Variants in SELENOI observed in about 807,000 individuals in gnomAD.
The protein encoded by SELENOI is ethanolaminephosphotransferase 1.
A neutral mutation model predicts 50.7 loss-of-function variants in SELENOI; 24 were observed. The ratio of observed to expected loss-of-function variants is 0.47; its 90% CI spans 0.34 to 0.67. The LOEUF (loss-of-function observed/expected upper bound fraction) is 0.67. SELENOI is among the 30% of genes least tolerant of loss of function. The pLI is 0.01. For synonymous variants in SELENOI, 155 were observed against 170.2 expected, an observed-to-expected ratio of 0.91 and a Z score of 0.70; for missense variants, 352 against 461.4, an observed-to-expected ratio of 0.76 and a Z score of 2.17.
In SELENOI at chr2:26,364,343, G is replaced by A. The variant is rs1189289592; in HGVS notation, c.99G>A (p.Met33Ile). 6.4e-7 allele frequency: 1 copy of A among 1,560,444 alleles called. No homozygotes were observed. The highest frequency in any genetic ancestry group is 8.7e-7 in the Non-Finnish European group (1 of 1,149,498). The stretch of plus-strand genomic sequence containing the variant: ...CCAATCCACTTTCTCTGTATGTCAT[G>A]CATCCATTCTGGAACACTATAGTAA... Reference protein sequence around the residue: ...VDTNPLSLYVMHPFWNTIVKV... With the variant: ...VDTNPLSLYVIHPFWNTIVKV... The change falls in exon 2 of 10, where the codon ATG becomes ATA. Residue 33 changes from methionine (M) to isoleucine (I), a missense_variant. Coordinates refer to ENST00000260585, the MANE Select transcript of SELENOI (RefSeq NM_033505.4).
intron 1 of SELENOI, among the ~76,000 whole-genome samples, chr2:26,358,615 A>G (rs1164190910): frequency 6.6e-6 from 1 of 152,250 alleles, no homozygotes; most frequent in East Asian, 1.9e-4. Context: ...TAGCATGACC[A>G]GATTTATATG....
Position 26,385,038 on chromosome 2 carries a change from A to G in SELENOI, c.811A>G (p.Ile271Val). ...VPLFSPCLLF[I>V]LSTAWILWSP... is the part of the protein sequence containing the mutation. ...CTTATTTTCTCCATGCTTGCTGTTCATTTTGTCTACAGCGTGGATCCTTTG... is the reference window on the plus strand; with the variant it reads ...CTTATTTTCTCCATGCTTGCTGTTCGTTTTGTCTACAGCGTGGATCCTTTG... The change falls in exon 8 of 10, where the codon ATT becomes GTT. Residue 271 changes from isoleucine to valine, a missense_variant. Ile to Val is a conservative substitution (Grantham distance 29). Transcript: ENST00000260585. The G allele has an allele frequency of 6.2e-7, 1 of 1,613,220 alleles. No individual in the cohort carries two copies. The highest frequency in any genetic ancestry group is 8.5e-7 in the Non-Finnish European group (1 of 1,179,558).
At chr2:26,347,669 G>A (rs906321812) in intron 1 of SELENOI, among the ~76,000 whole-genome samples, 2 of 152,126 alleles carry the variant, frequency 1.3e-5, no homozygotes, top group East Asian at 1.9e-4. Flanking sequence ...CCCTTTTGTT[G>A]TCTGTTCTGC....
chr2:26,360,605 T>C (rs1677154045), intron 1 of SELENOI, among the ~76,000 whole-genome samples: 3 of 152,232 alleles, frequency 2.0e-5, no homozygotes, highest in Admixed American at 2.0e-4. Flanking sequence ...TAGGTATTCA[T>C]GTGATATCTT....
rs1678001655 is a variant in SELENOI, at chr2:26,392,862, C to T, written c.*3759C>T. 6.6e-6 allele frequency: 1 copy of T among 152,244 alleles called. No homozygotes were observed. The highest frequency in any genetic ancestry group is 2.1e-4 in the South Asian group (1 of 4,830). 9.4% of individuals were successfully genotyped at this position (152,244 alleles called of 1,614,324 possible). On this transcript the variant is annotated 3_prime_UTR_variant, in exon 10 of 10. Transcript: ENST00000260585. ...CCCATGAGGTGTCTTTGTAAGTCAGCATGCTCTTGCTTGAACACCCTGTGG... is the reference window on the plus strand; with the variant it reads ...CCCATGAGGTGTCTTTGTAAGTCAGTATGCTCTTGCTTGAACACCCTGTGG...
chr2:26,388,776 T>C (rs1677901562), intron 9 of SELENOI, among the ~76,000 whole-genome samples: 1 of 152,116 alleles, frequency 6.6e-6, no homozygotes, highest in Admixed American at 6.5e-5. Context: ...CTCTGGAGGG[T>C]TCTCAAGACT....
chr2:26,370,234 A>G (rs1329276679), intron 4 of SELENOI, among the ~76,000 whole-genome samples: 3 of 151,886 alleles, frequency 2.0e-5, no homozygotes, highest in Non-Finnish European at 4.4e-5. Context: ...ACAGAACAAA[A>G]TGAAAAGTCT....
chr2:26,346,477 C>A, intron 1 of SELENOI, 188 bp downstream of exon 1: 1 of 595,038 alleles, frequency 1.7e-6, no homozygotes, highest in South Asian at 2.7e-5. Context: ...CTAAGCCCGC[C>A]GCCCGTAGTC....
intron 1 of SELENOI, among the ~76,000 whole-genome samples, chr2:26,358,916 G>T (rs1677118770): frequency 6.6e-6 from 1 of 152,152 alleles, no homozygotes; most frequent in Admixed American, 6.6e-5. Flanking sequence ...GGGGCTTATA[G>T]TCATGTTCTG....
At chr2:26,360,154 T>C (rs1359711853) in intron 1 of SELENOI, among the ~76,000 whole-genome samples, 1 of 152,202 alleles carries the variant, frequency 6.6e-6, no homozygotes, top group Non-Finnish European at 1.5e-5. Flanking sequence ...CCTTTAAAAG[T>C]CTGCATTTTA....
At chr2:26,365,795 C>CTTTTT (rs55900237) in intron 3 of SELENOI, among the ~76,000 whole-genome samples, 1 of 108,410 alleles carries the variant, frequency 9.2e-6, no homozygotes, top group East Asian at 2.4e-4. Context: ...ACACTTAAGA[C>CTTTTT]TTTTTTTTTT....
chr2:26,382,983 TAC>T (rs1270824917), intron 6 of SELENOI, among the ~76,000 whole-genome samples: 1 of 152,192 alleles, frequency 6.6e-6, no homozygotes, highest in African/African-American at 2.4e-5. Flanking sequence ...GTGGGGTTGG[TAC>T]AACTATTATC....
intron 6 of SELENOI, among the ~76,000 whole-genome samples, chr2:26,375,544 CA>C (rs548540523): frequency 1.3e-3 from 198 of 152,268 alleles, no homozygotes; most frequent in African/African-American, 4.5e-3. Flanking sequence ...TGTATCCACT[CA>C]AAAAATTAAG....
chr2:26,377,562 G>T (rs1232951325), intron 6 of SELENOI, among the ~76,000 whole-genome samples: 1 of 152,030 alleles, frequency 6.6e-6, no homozygotes, highest in Non-Finnish European at 1.5e-5. Context: ...AGCCCAGGAA[G>T]TCGAGGCTGC....
At chr2:26,346,479 C>T (rs1181846606) in intron 1 of SELENOI, 190 bp downstream of exon 1, 4 of 601,326 alleles carry the variant, frequency 6.7e-6, no homozygotes, top group Admixed American at 7.6e-5. Context: ...AAGCCCGCCG[C>T]CCGTAGTCGG....
chr2:26,355,123 T>G (rs1335927076), intron 1 of SELENOI, among the ~76,000 whole-genome samples: 1 of 152,218 alleles, frequency 6.6e-6, no homozygotes, highest in South Asian at 2.1e-4. Context: ...TGGCACATAG[T>G]GCTGTATAAG....
chr2:26,366,755 G>C (rs1677293950), intron 3 of SELENOI, among the ~76,000 whole-genome samples: 1 of 152,114 alleles, frequency 6.6e-6, no homozygotes. Context: ...TAATAGTATA[G>C]GAAAGGATAA....
intron 1 of SELENOI, among the ~76,000 whole-genome samples, chr2:26,356,724 A>G (rs558861037): frequency 6.6e-6 from 1 of 152,254 alleles, no homozygotes; most frequent in South Asian, 2.1e-4. Context: ...CATGTTCAGA[A>G]TGGTCCTCTT....
rs1245299120 is a variant in SELENOI, at chr2:26,393,327, C to G, written c.*4224C>G. Reference sequence around the variant, plus strand: ...AAATGTAACTTTTTAAGCCTGCATGCTAGTAATATGCTTTGCTCTTTAGTA... The same window carrying G: ...AAATGTAACTTTTTAAGCCTGCATGGTAGTAATATGCTTTGCTCTTTAGTA... On this transcript the variant is annotated 3_prime_UTR_variant, in exon 10 of 10. Transcript: ENST00000260585. 6.6e-6 allele frequency: 1 copy of G among 152,576 alleles called. No homozygotes were observed. The highest frequency in any genetic ancestry group is 1.5e-5 in the Non-Finnish European group (1 of 68,018). The allele number at this position is 152,576 out of a possible 1,614,324, so 9.5% of individuals were successfully genotyped here.
Sources: gnomAD v4.1 joint callset for allele counts (sites outside exome capture counted in the v4.1 genomes callset) on GRCh38, gnomAD v4.1.1 for gene constraint, MANE v1.5 for transcripts, NCBI Gene and HGNC (gene_info 2026-07-23, HGNC 2026-07-21) for gene names.